MYOCOS: variants seen among roughly 807,000 people sequenced by gnomAD.
MYOCOS encodes myocilin opposite strand, also known as myocilin opposite strand protein.
At chr1:171,608,278 A>C (rs547601400) in intron 1 of MYOCOS, among the ~76,000 whole-genome samples, 3 of 152,240 alleles carry the variant, frequency 2.0e-5, no homozygotes, top group Admixed American at 2.0e-4. Flanking sequence ...TGGAGTATAA[A>C]ATTGGATTGG....
intron 1 of MYOCOS, among the ~76,000 whole-genome samples, chr1:171,609,811 T>C (rs1652323740): frequency 6.6e-6 from 1 of 152,206 alleles, no homozygotes; most frequent in Middle Eastern, 3.2e-3. Context: ...AACAAGTATT[T>C]GTTATTGCAC....
At chr1:171,616,571 A>G (rs1652453946) in intron 2 of MYOCOS, among the ~76,000 whole-genome samples, 1 of 152,016 alleles carries the variant, frequency 6.6e-6, no homozygotes, top group Admixed American at 6.5e-5. Flanking sequence ...CAACAACAAA[A>G]CAGAGATGAG....
chr1:171,609,481 C>T (rs1652316547), intron 1 of MYOCOS, among the ~76,000 whole-genome samples: 1 of 152,178 alleles, frequency 6.6e-6, no homozygotes, highest in South Asian at 2.1e-4. Flanking sequence ...AACCTCTAAA[C>T]ATCCAGGTCT....
chr1:171,606,865 G>A (rs991012907), intron 1 of MYOCOS, among the ~76,000 whole-genome samples: 4 of 152,034 alleles, frequency 2.6e-5, no homozygotes, highest in South Asian at 2.1e-4. Flanking sequence ...AGGCGAAGGC[G>A]GGTGGATCAC....
upstream of MYOCOS, among the ~76,000 whole-genome samples, chr1:171,621,330 C>T (rs1652563891): frequency 6.7e-6 from 1 of 149,060 alleles, no homozygotes; most frequent in African/African-American, 2.5e-5. Context: ...ATCCCAGCTT[C>T]ATTACACCTT....
chr1:171,618,823 G>A (rs867732349), upstream of MYOCOS, among the ~76,000 whole-genome samples: 2 of 152,214 alleles, frequency 1.3e-5, no homozygotes, highest in African/African-American at 2.4e-5. Context: ...TGATCTGCCC[G>A]CCTTGGCCTC....
At chr1:171,602,822 T>C (rs1652168948) in intron 1 of MYOCOS, among the ~76,000 whole-genome samples, 1 of 152,196 alleles carries the variant, frequency 6.6e-6, no homozygotes, top group Non-Finnish European at 1.5e-5. Context: ...AAAAGAAACA[T>C]TCATTTTACT....
intron 1 of MYOCOS, chr1:171,601,147 C>CA (rs1367067980): frequency 6.6e-6 from 1 of 152,298 alleles, no homozygotes; most frequent in Non-Finnish European, 1.5e-5. Flanking sequence ...GGAGGATTAA[C>CA]ACAGTGGCTG....
At chr1:171,602,446 G>A (rs79983623) in intron 1 of MYOCOS, among the ~76,000 whole-genome samples, 8 of 152,078 alleles carry the variant, frequency 5.3e-5, no homozygotes, top group East Asian at 3.8e-4. Context: ...GTTTTAAAAC[G>A]TTAATTGTAA....
intron 1 of MYOCOS, among the ~76,000 whole-genome samples, chr1:171,613,910 C>G (rs60166114): frequency 0.071 from 10,832 of 152,140 alleles, 1,271 homozygotes; most frequent in African/African-American, 0.25. Context: ...GCCAAAGAGG[C>G]CTCTGACTTT....
chr1:171,613,435 TG>T (rs1652387813), intron 1 of MYOCOS, among the ~76,000 whole-genome samples: 1 of 152,242 alleles, frequency 6.6e-6, no homozygotes, highest in Non-Finnish European at 1.5e-5. Flanking sequence ...CAGGAGGATC[TG>T]GGTTTTGAGG....
intron 1 of MYOCOS, among the ~76,000 whole-genome samples, chr1:171,612,000 A>G (rs1258170815): frequency 6.6e-6 from 1 of 152,176 alleles, no homozygotes; most frequent in Admixed American, 6.5e-5. Context: ...TGGTTTTTGT[A>G]GGGGCCAGAG....
At chr1:171,616,894 T>G (rs1652459664) in intron 2 of MYOCOS, among the ~76,000 whole-genome samples, 1 of 152,204 alleles carries the variant, frequency 6.6e-6, no homozygotes, top group African/African-American at 2.4e-5. Context: ...CATGGGAAGG[T>G]TCATCATTTG....
At chr1:171,615,984 G>A (rs142188770) in intron 2 of MYOCOS, among the ~76,000 whole-genome samples, 11,794 of 152,154 alleles carry the variant, frequency 0.078, 1,538 homozygotes, top group African/African-American at 0.27. Context: ...TTGGGAGGCC[G>A]AGGCAGGTGG....
chr1:171,619,668 G>A (rs575568992), upstream of MYOCOS, among the ~76,000 whole-genome samples: 1 of 152,048 alleles, frequency 6.6e-6, no homozygotes, highest in East Asian at 1.9e-4. Flanking sequence ...GGCCAATATG[G>A]TTGAACCCCA....
intron 1 of MYOCOS, among the ~76,000 whole-genome samples, chr1:171,605,932 G>T (rs1652236613): frequency 6.6e-6 from 1 of 152,210 alleles, no homozygotes; most frequent in African/African-American, 2.4e-5. Flanking sequence ...ACCAGCTCTT[G>T]ACTACTTGCT....
At position 171,622,347 on chromosome 1, in the gene MYOCOS, C is replaced by T. The variant is rs1652593554; in HGVS notation, c.-44+15C>T. The T allele has an allele frequency of 2.0e-5, 3 of 152,310 alleles. No homozygotes were observed. The highest frequency in any genetic ancestry group is 6.5e-5 in the Admixed American group (1 of 15,278). The allele number at this position is 152,310 out of a possible 1,614,324, so 9.4% of individuals were successfully genotyped here. On this transcript the variant is annotated intron_variant, in intron 1 of 2. Transcript: ENST00000637642. ...CGGCTCCAGGGGTAATTTGTTTCAG[C>T]TGCTGCTTTCTAAGGGCGCAAATCA...
intron 1 of MYOCOS, among the ~76,000 whole-genome samples, chr1:171,612,762 G>A (rs532942371): frequency 7.9e-5 from 12 of 152,208 alleles, no homozygotes; most frequent in African/African-American, 2.2e-4. Flanking sequence ...CCTGGGAGGC[G>A]GAGGTTGCAG....
At position 171,607,852 on chromosome 1, in the gene MYOCOS, A is replaced by G. The variant is rs370374800; in HGVS notation, c.-252+6772A>G. Among the ~76,000 whole-genome samples, 7 of 152,350 alleles carry G rather than the reference A, an allele frequency of 4.6e-5. No homozygotes were observed. In the South Asian group the frequency reaches 8.3e-4, roughly 18 times the overall value. ...TTCACAAGTCTATTCTCATGCTGCTAATAAAGACATACCCAAGACTGGGTA... is the reference window on the plus strand; with the variant it reads ...TTCACAAGTCTATTCTCATGCTGCTGATAAAGACATACCCAAGACTGGGTA... On this transcript the variant is annotated intron_variant, in intron 1 of 3. Transcript: ENST00000636697.
Sources: gnomAD v4.1 joint callset for allele counts (sites outside exome capture counted in the v4.1 genomes callset) on GRCh38, gnomAD v4.1.1 for gene constraint, MANE v1.5 for transcripts, NCBI Gene and HGNC (gene_info 2026-07-23, HGNC 2026-07-21) for gene names.